PLXNB2: variants seen among roughly 807,000 people sequenced by gnomAD.
The protein encoded by PLXNB2 is plexin-B2.
In PLXNB2, 85 loss-of-function variants were observed where a neutral mutation model predicts 202.6. That is an observed-to-expected ratio of 0.42 (90% confidence interval 0.35 to 0.50). The LOEUF (loss-of-function observed/expected upper bound fraction) is 0.50. PLXNB2 is among the 20% of genes least tolerant of loss of function. The pLI, the probability that PLXNB2 is intolerant of heterozygous loss-of-function variation, is 0.02. For synonymous variants in PLXNB2, 1,239 were observed against 1,137.6 expected (o/e 1.09, Z -1.79); for missense variants, 2,063 against 2,586.2 (o/e 0.80, Z 4.39).
rs1164391081 is a variant in PLXNB2, at chr22:50,289,175, C to A, written c.1069-33G>T. 4.0e-6 allele frequency: 6 copies of A among 1,516,674 alleles called. No homozygotes were observed. Among genetic ancestry groups the A allele is most frequent in the Non-Finnish European group, 5.3e-6 (6 of 1,132,636 alleles). The allele number at this position is 1,516,674 out of a possible 1,614,324, so 94.0% of individuals were successfully genotyped here. On this transcript the variant is annotated intron_variant, in intron 3 of 36. Transcript: ENST00000359337. This position sits in a 1 kb window ranked among gnomAD's most constrained non-coding sequence, Gnocchi z 8.0. Reference sequence around the variant, plus strand: ...CCACAGCGTGTCAATGGCAGGCAGACCCCCTGTCCTGAAGGGCCCTCTCCA... The same window carrying A: ...CCACAGCGTGTCAATGGCAGGCAGAACCCCTGTCCTGAAGGGCCCTCTCCA...
chr22:50,281,258 G>T, intron 22 of PLXNB2, 69 bp from the exon 23 acceptor site: 1 of 1,569,218 alleles, frequency 6.4e-7, no homozygotes, highest in Non-Finnish European at 8.7e-7. Context: ...TGAGGAGGTG[G>T]ATCTACACGC....
At position 50,281,917 on chromosome 22, in the gene PLXNB2, G is replaced by C; in HGVS notation, c.3282C>G (p.Asp1094Glu). The change falls in exon 20 of 37, where the codon GAC (aspartate) becomes GAG (glutamate). Residue 1094 changes from aspartate (D) to glutamate (E), a missense_variant. By Grantham distance (45) the Asp-to-Glu change is conservative. Coordinates refer to ENST00000359337, the MANE Select transcript of PLXNB2 (RefSeq NM_012401.4). ...TEAGAFEYVP[D>E]PTFENFTGGV... is the part of the protein sequence containing the mutation. ...CACCTGTGAAGTTCTCAAAGGTGGGGTCAGGCACGTACTCGAAGGCCCCGG... is the reference window on the plus strand; with the variant it reads ...CACCTGTGAAGTTCTCAAAGGTGGGCTCAGGCACGTACTCGAAGGCCCCGG... The C allele has an allele frequency of 1.2e-6, 2 of 1,613,138 alleles. No individual in the cohort carries two copies. Among genetic ancestry groups the C allele is most frequent in the Non-Finnish European group, 1.7e-6 (2 of 1,180,006 alleles).
At chr22:50,296,380 C>T (rs1219635468) in intron 1 of PLXNB2, among the ~76,000 whole-genome samples, 4 of 151,812 alleles carry the variant, frequency 2.6e-5, no homozygotes, top group South Asian at 2.1e-4. Flanking sequence ...GGCAACAGAG[C>T]GAGACCCTGA....
Position 50,286,183 on chromosome 22 carries a change from C to T in PLXNB2, c.1867G>A (p.Glu623Lys), listed in dbSNP as rs1317605470. The stretch of plus-strand genomic sequence containing the variant: ...GCACAAGACACTCACGGCAGGTTCT[C>T]CTCCAGGCTCATGGCCTGGCGGCAG... ...YDCRQAMSLE[E>K]NLPCISCVSN... is the part of the protein sequence containing the mutation. Residue 623 changes from glutamate to lysine, a missense_variant, in exon 9 of 37, where the codon GAG becomes AAG. By Grantham distance (56) the Glu-to-Lys change is moderately conservative. Coordinates refer to ENST00000359337, the MANE Select transcript of PLXNB2 (RefSeq NM_012401.4). 1 of 1,612,946 alleles carries T rather than the reference C, an allele frequency of 6.2e-7. No homozygotes were observed. Among genetic ancestry groups the T allele is most frequent in the South Asian group, 1.1e-5 (1 of 91,080 alleles).
Position 50,290,143 on chromosome 22 carries a change from C to T in PLXNB2, c.442G>A (p.Asp148Asn), listed in dbSNP as rs2066763762. 1 of 1,612,992 alleles carries T rather than the reference C, an allele frequency of 6.2e-7. No homozygotes were observed. Among genetic ancestry groups the T allele is most frequent in the East Asian group, 2.2e-5 (1 of 44,886 alleles). The change falls in exon 3 of 37, where the codon GAT (aspartate) becomes AAT (asparagine). Residue 148 changes from aspartate to asparagine, a missense_variant. Around this residue, in one of 2 missense-constraint regions of PLXNB2, gnomAD observed 1,303 missense variants for 1,476.8 expected, o/e 0.88. Transcript: ENST00000359337. ...SGEKSFVASN[D>N]EGVATVGLVS... ...AGCCCCACTGTGGCCACGCCCTCAT[C>T]ATTGCTGGCCACGAAAGACTTCTCC... is the stretch of plus-strand genomic sequence containing the variant.
At chr22:50,296,193 T>TACACACACACACAC (rs58616888) in intron 1 of PLXNB2, among the ~76,000 whole-genome samples, 165 of 139,420 alleles carry the variant, frequency 1.2e-3, no homozygotes, top group African/African-American at 2.9e-3. Context: ...TCTCAAAAAA[T>TACACACACACACAC]ACACACACAC....
chr22:50,275,507 T>G lies in PLXNB2; in HGVS notation c.*197A>C, dbSNP rs1350636717. ...GAGCTGGGGCTGGGGCTGGTGCTGG[T>G]GCGGTGCCCGGCGGTATTGCTCAGA... On this transcript the variant is annotated 3_prime_UTR_variant, in exon 37 of 37. Transcript: ENST00000359337. 1.5e-6 allele frequency: 1 copy of G among 669,324 alleles called. No homozygotes were observed. The highest frequency in any genetic ancestry group is 2.1e-5 in the Admixed American group (1 of 47,870). 41.5% of individuals were successfully genotyped at this position (669,324 alleles called of 1,614,324 possible).
intron 7 of PLXNB2, 115 bp from the exon 8 acceptor site, chr22:50,287,379 C>T: frequency 8.4e-7 from 1 of 1,196,300 alleles, no homozygotes; most frequent in East Asian, 2.6e-5. Context: ...CCTCCAGAAC[C>T]CGACTCCACG....
intron 35 of PLXNB2, 131 bp from the exon 36 acceptor site, chr22:50,276,094 T>TG (rs970323795): frequency 7.3e-5 from 57 of 781,800 alleles, no homozygotes; most frequent in Middle Eastern, 3.4e-4. Flanking sequence ...AGCTGGCACT[T>TG]GGGGCCCCCC....
intron 1 of PLXNB2, among the ~76,000 whole-genome samples, chr22:50,296,504 GCTGAGGCGGGCGGATCAC>G (rs1468326522): frequency 1.3e-5 from 2 of 150,548 alleles, no homozygotes; most frequent in Admixed American, 6.6e-5. Flanking sequence ...ACTTTGGGAG[GCTGAGGCGGGCGGATCAC>G]CTGAGGCTGC....
Position 50,281,637 on chromosome 22 carries a change from G to A in PLXNB2, c.3451C>T (p.Pro1151Ser). The change falls in exon 21 of 37, where the codon CCC (proline) becomes TCC (serine). Residue 1151 changes from proline (P) to serine (S), a missense_variant. Physicochemically the swap from Pro to Ser is moderately conservative, Grantham distance 74. Transcript: ENST00000359337. ...TTGGGCGGGGGCTGCACCTCCGGGG[G>A]CTCACAGTACAGGTCGGTCTCCGTC... is the stretch of plus-strand genomic sequence containing the variant. ...TLTETDLYCEPPEVQPPPKRR... is the reference protein window; with the variant it reads ...TLTETDLYCESPEVQPPPKRR... 2 of 1,605,712 alleles carry A rather than the reference G, an allele frequency of 1.2e-6. No individual in the cohort carries two copies. Among genetic ancestry groups the A allele is most frequent in the Non-Finnish European group, 1.7e-6 (2 of 1,175,832 alleles).
At position 50,289,391 on chromosome 22, in the gene PLXNB2, G is replaced by A; in HGVS notation, c.1068+126C>T. 7.9e-7 allele frequency: 1 copy of A among 1,261,308 alleles called. No homozygotes were observed. The highest frequency in any genetic ancestry group is 1.1e-6 in the Non-Finnish European group (1 of 937,302). The allele number at this position is 1,261,308 out of a possible 1,614,324, so 78.1% of individuals were successfully genotyped here. On this transcript the variant is annotated intron_variant, in intron 3 of 36. Transcript: ENST00000359337. The surrounding 1 kb of genome is among the most constrained non-coding windows in gnomAD (Gnocchi z 8.0). ...AGAGATGCGGCACCCACCCACGCAA[G>A]CGCCCAGGCTGGCGAGAGCCACGGC...
rs1005682582 is a variant in PLXNB2 at position 50,297,561 on chromosome 22, C to G, written c.-73-2783G>C. Among the ~76,000 whole-genome samples, 2 of 152,208 alleles carry G rather than the reference C, an allele frequency of 1.3e-5. No homozygotes were observed. The highest frequency in any genetic ancestry group is 2.9e-5 in the Non-Finnish European group (2 of 68,036). On this transcript the variant is annotated intron_variant, in intron 1 of 36. Transcript: ENST00000359337. This position sits in a 1 kb window ranked among gnomAD's most constrained non-coding sequence, Gnocchi z 5.3. ...CAAGTCTACCTCCTCTGCCCGGCCT[C>G]TGGCTTCTCCCACCTCCATCCATCT...
At chr22:50,276,534 A>T in intron 35 of PLXNB2, 95 bp downstream of exon 35, 1 of 1,089,564 alleles carries the variant, frequency 9.2e-7, no homozygotes, top group Non-Finnish European at 1.4e-6. Flanking sequence ...CCCCCTCAGC[A>T]CCACATTACC....
intron 33 of PLXNB2, among the ~76,000 whole-genome samples, chr22:50,277,286 G>A (rs1163243030): frequency 6.8e-6 from 1 of 146,302 alleles, no homozygotes; most frequent in Non-Finnish European, 1.5e-5. Context: ...GGGCGACAGA[G>A]AGAGACTCCA....
intron 1 of PLXNB2, chr22:50,300,206 C>T (rs1248657172): frequency 2.1e-4 from 195 of 930,838 alleles, no homozygotes; most frequent in Non-Finnish European, 2.4e-4. Flanking sequence ...GGGAGTCTGA[C>T]CCGAGTAACA....
rs2066524719 is a variant in PLXNB2, at chr22:50,287,260, T to C, written c.1613A>G (p.Gln538Arg). ...GGCAGGGAGGGGGCTGACGGTCAGC[T>C]GCACCTGAGGGAGGGGCCGTGCCGC... ...NMSRRAQGEVQLTVSPLPALS... is the reference protein window; with the variant it reads ...NMSRRAQGEVRLTVSPLPALS... Residue 538 changes from glutamine to arginine, a missense_variant, in exon 8 of 37, where the codon CAG (glutamine) becomes CGG (arginine). This residue lies in a region of PLXNB2 where 1,303 missense variants were observed against 1,476.8 expected (regional missense o/e 0.88). Transcript: ENST00000359337. The C allele has an allele frequency of 4.6e-6, 7 of 1,511,814 alleles. No homozygotes were observed. In the Admixed American group the frequency reaches 1.1e-4, roughly 23 times the overall value. The allele number at this position is 1,511,814 out of a possible 1,614,324, so 93.6% of individuals were successfully genotyped here.
Position 50,288,899 on chromosome 22 carries a change from G to T in PLXNB2, c.1252-28C>A. 2.5e-6 allele frequency: 4 copies of T among 1,612,252 alleles called. No individual in the cohort carries two copies. Among genetic ancestry groups the T allele is most frequent in the Non-Finnish European group, 3.4e-6 (4 of 1,179,200 alleles). ...GTGTGCGCGAGGGCAGGCCGGTGAGGGTACGGGCCTTGTGCACAGACGGGC... is the reference window on the plus strand; with the variant it reads ...GTGTGCGCGAGGGCAGGCCGGTGAGTGTACGGGCCTTGTGCACAGACGGGC... On this transcript the variant is annotated intron_variant, in intron 4 of 36. Coordinates refer to ENST00000359337, the MANE Select transcript of PLXNB2 (RefSeq NM_012401.4). The surrounding 1 kb of genome is among the most constrained non-coding windows in gnomAD (Gnocchi z 5.0).
At chr22:50,280,714 G>GGCCCACCC in intron 24 of PLXNB2, 30 bp downstream of exon 24, 25 of 1,528,782 alleles carry the variant, frequency 1.6e-5, no homozygotes, top group South Asian at 2.4e-5. Flanking sequence ...CCACCTGTGT[G>GGCCCACCC]CCCTCCCGCC....
Sources: allele counts gnomAD v4.1 joint callset (sites outside exome capture counted in the v4.1 genomes callset), GRCh38; gene constraint gnomAD v4.1.1; regional missense constraint gnomAD v4.1.1; non-coding constraint Gnocchi (gnomAD v3.1); transcripts MANE v1.5; gene names NCBI Gene and HGNC (gene_info 2026-07-23, HGNC 2026-07-21).